Variants in ESRRG observed in about 807,000 individuals in gnomAD.
ESRRG encodes the protein estrogen-related receptor gamma.
A neutral mutation model predicts 44.0 loss-of-function variants in ESRRG; 13 were observed. The observed-to-expected ratio is 0.30, with a 90% confidence interval of 0.19 to 0.47. The LOEUF (loss-of-function observed/expected upper bound fraction) is 0.47, where lower values mean the gene tolerates loss of function less well. Among genes scored for constraint, ESRRG ranks in the 20% least tolerant of loss-of-function variants. The pLI is 1.00. For missense variants in ESRRG, 395 were observed against 580.6 expected (o/e 0.68, Z 3.29); for synonymous variants, 215 against 214.6 (o/e 1.00, Z -0.02).
At chr1:216,877,337 G>A (rs1469221842) in intron 2 of ESRRG, among the ~76,000 whole-genome samples, 1 of 151,742 alleles carries the variant, frequency 6.6e-6, no homozygotes, top group African/African-American at 2.4e-5. Context: ...ATACGTGTTA[G>A]GTATTCTTGC....
chr1:216,628,574 A>G (rs2063573000), intron 3 of ESRRG, among the ~76,000 whole-genome samples: 1 of 152,216 alleles, frequency 6.6e-6, no homozygotes. Context: ...GATTGGGGAC[A>G]GAAAGATCAT....
chr1:216,883,716 C>T (rs899738397), intron 2 of ESRRG, among the ~76,000 whole-genome samples: 1 of 152,150 alleles, frequency 6.6e-6, no homozygotes, highest in African/African-American at 2.4e-5. Flanking sequence ...TAATACACCC[C>T]CTAATGGTAG....
At chr1:216,744,977 CAG>C (rs1260945248) in intron 2 of ESRRG, among the ~76,000 whole-genome samples, 1 of 152,166 alleles carries the variant, frequency 6.6e-6, no homozygotes, top group African/African-American at 2.4e-5. Context: ...GAGTAGAAAA[CAG>C]AGTCTAAAGT....
Position 216,927,410 on chromosome 1 carries a change from C to T in ESRRG, c.-14+12172G>A, listed in dbSNP as rs1010701141. 5.9e-5 allele frequency among the ~76,000 whole-genome samples: 9 copies of T among 152,104 alleles called. No individual in the cohort carries two copies. The East Asian group carries it at 1.3e-3, about 23-fold the overall frequency. ...TTAAGTAGAAACAAAGGGAGGGAGG[C>T]GTTCTTGGCCTGAGGGAGCTCTGCA... On this transcript the variant is annotated intron_variant, in intron 2 of 7. Coordinates refer to the ESRRG transcript ENST00000359162.
At chr1:216,838,385 C>A (rs572538139) in intron 2 of ESRRG, among the ~76,000 whole-genome samples, 1 of 152,286 alleles carries the variant, frequency 6.6e-6, no homozygotes, top group Admixed American at 6.5e-5. Flanking sequence ...TTGGCATTTA[C>A]AAATTTGTCA....
intron 1 of ESRRG, among the ~76,000 whole-genome samples, chr1:216,692,590 G>C (rs373341903): frequency 1.3e-5 from 2 of 152,056 alleles, no homozygotes; most frequent in South Asian, 4.1e-4. Flanking sequence ...TAAATGTACT[G>C]TCACCTAAGT....
At chr1:216,531,528 C>G (rs973666726) in intron 5 of ESRRG, among the ~76,000 whole-genome samples, 1 of 152,074 alleles carries the variant, frequency 6.6e-6, no homozygotes, top group African/African-American at 2.4e-5. Flanking sequence ...CCTTCTTCCT[C>G]TCTACACTAT....
At chr1:216,857,770 A>G (rs999701734) in intron 2 of ESRRG, among the ~76,000 whole-genome samples, 2 of 151,752 alleles carry the variant, frequency 1.3e-5, no homozygotes, top group Admixed American at 1.3e-4. Flanking sequence ...ATAAGGATTC[A>G]TTCACCAAAA....
At chr1:216,964,747 GA>G (rs141865798) in intron 1 of ESRRG, among the ~76,000 whole-genome samples, 73 of 147,720 alleles carry the variant, frequency 4.9e-4, no homozygotes, top group African/African-American at 1.7e-3. Context: ...AGAAGAGAAG[GA>G]AAAAAAAAAC....
intron 3 of ESRRG, among the ~76,000 whole-genome samples, chr1:216,642,480 A>G (rs1039064763): frequency 5.3e-5 from 8 of 152,118 alleles, no homozygotes; most frequent in African/African-American, 1.9e-4. Flanking sequence ...GTACATTCCC[A>G]AATGGCTTAA....
chr1:216,776,882 C>A (rs578024995), intron 2 of ESRRG, among the ~76,000 whole-genome samples: 1 of 152,232 alleles, frequency 6.6e-6, no homozygotes, highest in South Asian at 2.1e-4. Context: ...GACAGAAGAG[C>A]CACACACCTT....
At chr1:217,040,246 G>T (rs2083604423) in intron 1 of ESRRG, among the ~76,000 whole-genome samples, 1 of 152,120 alleles carries the variant, frequency 6.6e-6, no homozygotes, top group Non-Finnish European at 1.5e-5. Flanking sequence ...TATTTGGACT[G>T]GTCATGGAAG....
chr1:216,771,374 C>T (rs1355645410), intron 2 of ESRRG, among the ~76,000 whole-genome samples: 3 of 151,992 alleles, frequency 2.0e-5, no homozygotes. Context: ...TAATTTAATG[C>T]CTTATAATCT....
chr1:216,871,377 G>A (rs2096257133), intron 2 of ESRRG, among the ~76,000 whole-genome samples: 2 of 151,814 alleles, frequency 1.3e-5, no homozygotes. Context: ...TTAAACATTG[G>A]TTTTATGAAC....
At chr1:216,566,067 T>C (rs2059636350) in intron 4 of ESRRG, among the ~76,000 whole-genome samples, 1 of 152,064 alleles carries the variant, frequency 6.6e-6, no homozygotes, top group Non-Finnish European at 1.5e-5. Flanking sequence ...GAAATTTGGT[T>C]GAAGCTTAGA....
intron 1 of ESRRG, among the ~76,000 whole-genome samples, chr1:217,038,758 T>G (rs888931175): frequency 9.2e-5 from 14 of 152,238 alleles, no homozygotes; most frequent in Non-Finnish European, 2.1e-4. Context: ...TCCTGGGGAT[T>G]AACATTCAGT....
At chr1:216,871,817 T>C (rs924421662) in intron 2 of ESRRG, among the ~76,000 whole-genome samples, 3 of 152,084 alleles carry the variant, frequency 2.0e-5, no homozygotes, top group Non-Finnish European at 4.4e-5. Context: ...TTAAATGTTT[T>C]GCTTTAAATT....
At chr1:217,134,404 G>C (rs1381230660) in intron 1 of ESRRG, among the ~76,000 whole-genome samples, 3 of 152,214 alleles carry the variant, frequency 2.0e-5, no homozygotes, top group Admixed American at 2.0e-4. Flanking sequence ...AGTTGATCTC[G>C]ATGCGCGCAG....
chr1:216,758,381 G>A (rs1049272372), intron 2 of ESRRG, among the ~76,000 whole-genome samples: 4 of 151,958 alleles, frequency 2.6e-5, no homozygotes, highest in East Asian at 1.9e-4. Context: ...TAAATGTGGC[G>A]GCACTCAGGG....
Sources: allele counts gnomAD v4.1 joint callset (sites outside exome capture counted in the v4.1 genomes callset), GRCh38; gene constraint gnomAD v4.1.1; transcripts MANE v1.5; gene names NCBI Gene and HGNC (gene_info 2026-07-23, HGNC 2026-07-21).